TRAPPC9: variants seen among roughly 807,000 people sequenced by gnomAD.
TRAPPC9 encodes the protein IKK2 binding protein.
Under a neutral mutation model 124.0 loss-of-function variants are expected in TRAPPC9, and 83 were observed. That is an observed-to-expected ratio of 0.67 (90% CI 0.56 to 0.80). The LOEUF (loss-of-function observed/expected upper bound fraction) is 0.80, where lower values mean the gene tolerates loss of function less well. TRAPPC9 is among the 30% of genes least tolerant of loss of function. The pLI is 0.00. For missense variants in TRAPPC9, 1,302 were observed against 1,508.3 expected (o/e 0.86, Z 2.27); for synonymous variants, 638 against 617.5 (o/e 1.03, Z -0.49).
At chr8:140,178,712 A>G (rs1420346373) in intron 17 of TRAPPC9, among the ~76,000 whole-genome samples, 1 of 152,098 alleles carries the variant, frequency 6.6e-6, no homozygotes, top group Non-Finnish European at 1.5e-5. Flanking sequence ...CTTTATTATA[A>G]TGTGATAAAA....
At chr8:140,069,880 G>A (rs1230712391) in intron 17 of TRAPPC9, among the ~76,000 whole-genome samples, 1 of 152,226 alleles carries the variant, frequency 6.6e-6, no homozygotes, top group East Asian at 1.9e-4. Context: ...GCTGCTGTCA[G>A]TCCTAGAGTC....
At chr8:140,308,565 G>A (rs1172904636) in intron 10 of TRAPPC9, among the ~76,000 whole-genome samples, 1 of 152,062 alleles carries the variant, frequency 6.6e-6, no homozygotes, top group Non-Finnish European at 1.5e-5. Flanking sequence ...CAGATGGTGG[G>A]TCATACATAA....
chr8:140,055,670 T>C (rs931551263), intron 17 of TRAPPC9, among the ~76,000 whole-genome samples: 9 of 152,222 alleles, frequency 5.9e-5, no homozygotes, highest in South Asian at 4.1e-4. Context: ...AGTTACAGGA[T>C]GCAACATACA....
At chr8:139,949,421 T>C (rs1035015882) in intron 19 of TRAPPC9, among the ~76,000 whole-genome samples, 11 of 152,168 alleles carry the variant, frequency 7.2e-5, no homozygotes, top group African/African-American at 2.4e-4. Context: ...AATGAGAACA[T>C]TTCCATATAA....
At chr8:140,159,315 C>T (rs1208773528) in intron 17 of TRAPPC9, among the ~76,000 whole-genome samples, 1 of 152,216 alleles carries the variant, frequency 6.6e-6, no homozygotes, top group Non-Finnish European at 1.5e-5. Flanking sequence ...TTCTTTCTTC[C>T]AGTCATGGAT....
At chr8:140,287,774 C>A in intron 12 of TRAPPC9, 40 bp from the exon 13 acceptor site, 1 of 1,613,468 alleles carries the variant, frequency 6.2e-7, no homozygotes, top group Middle Eastern at 1.7e-4. Context: ...CGGAGCAAAC[C>A]TACTGTGTGT....
At chr8:140,409,341 A>G (rs1367315325) in intron 5 of TRAPPC9, among the ~76,000 whole-genome samples, 2 of 152,316 alleles carry the variant, frequency 1.3e-5, no homozygotes, top group South Asian at 2.1e-4. Flanking sequence ...AAACACTCGC[A>G]TGCACTGCTA....
intron 9 of TRAPPC9, among the ~76,000 whole-genome samples, chr8:140,344,636 G>A (rs567798047): frequency 1.4e-3 from 214 of 152,320 alleles, no homozygotes; most frequent in Middle Eastern, 6.8e-3. Context: ...AGCTGTTCAT[G>A]CAGAAAAAAA....
At chr8:140,028,765 T>C (rs1017756039) in intron 17 of TRAPPC9, among the ~76,000 whole-genome samples, 6 of 152,152 alleles carry the variant, frequency 3.9e-5, no homozygotes, top group Non-Finnish European at 8.8e-5. Context: ...TTGTGACACG[T>C]TGTGTCATGG....
At chr8:140,164,997 T>G (rs72687238) in intron 17 of TRAPPC9, among the ~76,000 whole-genome samples, 4,769 of 152,302 alleles carry the variant, frequency 0.031, 110 homozygotes, top group Non-Finnish European at 0.044. Context: ...AGGTAATGCC[T>G]TATGTGTAAG....
chr8:139,738,595 A>G lies in TRAPPC9; in HGVS notation c.3056-6393T>C, dbSNP rs573695722. The stretch of plus-strand genomic sequence containing the variant: ...GGCACCCCAGGAGCTGGAGAATGCC[A>G]GCCCAGGGAGGAAGGTAGCCCGCAA... On this transcript the variant is annotated intron_variant, in intron 21 of 22. Transcript: ENST00000438773. Among the ~76,000 whole-genome samples, 11 of 152,340 alleles carry G rather than the reference A, an allele frequency of 7.2e-5. No homozygotes were observed. In the South Asian group the frequency reaches 2.3e-3, roughly 32 times the overall value.
chr8:140,222,380 G>A (rs1173841358), intron 16 of TRAPPC9, among the ~76,000 whole-genome samples: 2 of 152,122 alleles, frequency 1.3e-5, no homozygotes, highest in African/African-American at 2.4e-5. Flanking sequence ...TGCATCTCAC[G>A]TCGCATGTCC....
At chr8:140,438,997 T>C (rs2070916319) in intron 3 of TRAPPC9, 55 bp downstream of exon 3, 2 of 1,612,162 alleles carry the variant, frequency 1.2e-6, no homozygotes, top group African/African-American at 2.7e-5. Context: ...GCCTCTCATT[T>C]TAATTAACAG....
chr8:140,403,492 C>T (rs2069354171), intron 6 of TRAPPC9, among the ~76,000 whole-genome samples: 3 of 152,010 alleles, frequency 2.0e-5, no homozygotes, highest in African/African-American at 7.2e-5. Flanking sequence ...GTGACCCACC[C>T]ACCTAGGCTT....
At position 140,104,274 on chromosome 8, in the gene TRAPPC9, G is replaced by A. The variant is rs1034765304; in HGVS notation, c.2557-80195C>T. Among the ~76,000 whole-genome samples, 19 of 152,134 alleles carry A rather than the reference G, an allele frequency of 1.2e-4. No homozygotes were observed. The highest frequency in any genetic ancestry group is 8.5e-4 in the Admixed American group (13 of 15,278). On this transcript the variant is annotated intron_variant, in intron 17 of 22. Transcript: ENST00000438773. The surrounding 1 kb of genome is among the most constrained non-coding windows in gnomAD (Gnocchi z 4.0). Reference sequence around the variant, plus strand: ...GAAAGACCTCTGCAACAGCCTGAACGGAACCAGGAGGGCTCCCCGCTCTGC... The same window carrying A: ...GAAAGACCTCTGCAACAGCCTGAACAGAACCAGGAGGGCTCCCCGCTCTGC...
At position 140,195,635 on chromosome 8, in the gene TRAPPC9, G is replaced by A. The variant is rs375813288; in HGVS notation, c.2556+25824C>T. 4.6e-5 allele frequency among the ~76,000 whole-genome samples: 7 copies of A among 151,824 alleles called. No individual in the cohort carries two copies. The East Asian group carries it at 9.7e-4, about 21-fold the overall frequency. ...GCAATCCACTGTACAGCTCGCACCT[G>A]TGACACTAAAACACACTCAATGATC... On this transcript the variant is annotated intron_variant, in intron 17 of 22. Transcript: ENST00000438773.
At chr8:140,007,549 C>T (rs372299801) in intron 18 of TRAPPC9, among the ~76,000 whole-genome samples, 4 of 151,890 alleles carry the variant, frequency 2.6e-5, no homozygotes, top group African/African-American at 7.2e-5. Context: ...AACAAAGAAA[C>T]GAAGAGAACT....
intron 17 of TRAPPC9, among the ~76,000 whole-genome samples, chr8:140,073,201 A>C (rs142090926): frequency 4.2e-4 from 64 of 152,344 alleles, no homozygotes; most frequent in African/African-American, 1.5e-3. Context: ...AATAACTCCT[A>C]GTATTTCCAA....
At chr8:140,232,229 C>A (rs1162928987) in intron 16 of TRAPPC9, among the ~76,000 whole-genome samples, 1 of 151,986 alleles carries the variant, frequency 6.6e-6, no homozygotes, top group African/African-American at 2.4e-5. Flanking sequence ...TGAGCCACTG[C>A]GCCTGACCAT....
Sources: gnomAD v4.1 joint callset for allele counts (sites outside exome capture counted in the v4.1 genomes callset) on GRCh38, gnomAD v4.1.1 for gene constraint, Gnocchi (gnomAD v3.1) non-coding constraint, MANE v1.5 for transcripts, NCBI Gene and HGNC (gene_info 2026-07-23, HGNC 2026-07-21) for gene names.